Variants in CPNE7 observed in about 807,000 individuals in gnomAD.
CPNE7 encodes the protein copine-7.
A neutral mutation model predicts 66.5 loss-of-function variants in CPNE7; 78 were observed. The ratio of observed to expected loss-of-function variants is 1.17; its 90% CI spans 0.98 to 1.42. The LOEUF is 1.42. Ranked by LOEUF, CPNE7 falls within the 40% of genes most tolerant of loss-of-function variation. The pLI, the probability that CPNE7 is intolerant of heterozygous loss-of-function variation, is 0.00. For missense variants in CPNE7, 1,012 were observed against 776.6 expected (o/e 1.30, Z -3.60); for synonymous variants, 468 against 336.7 (o/e 1.39, Z -4.27).
chr16:89,583,923 C>T (rs1407078584), intron 3 of CPNE7, 105 bp from the exon 4 acceptor site: 2 of 1,487,998 alleles, frequency 1.3e-6, no homozygotes, highest in African/African-American at 2.8e-5. Context: ...GACACCTCCT[C>T]TCAGGCCCCG....
chr16:89,581,040 CCCG>C (rs1260892904), intron 2 of CPNE7, among the ~76,000 whole-genome samples: 1 of 150,102 alleles, frequency 6.7e-6, no homozygotes, highest in Non-Finnish European at 1.5e-5. Context: ...CACGGAACAT[CCCG>C]TAACCCATCA....
chr16:89,582,601 T>C (rs1025233294), intron 2 of CPNE7, among the ~76,000 whole-genome samples: 2 of 152,180 alleles, frequency 1.3e-5, no homozygotes, highest in Non-Finnish European at 2.9e-5. Context: ...AGGACCCCTT[T>C]GCACCCCTAA....
rs755565927 is a variant in CPNE7 at position 89,576,035 on chromosome 16, G to A, written c.138G>A (p.Val46=). The A allele has an allele frequency of 6.0e-6, 8 of 1,331,766 alleles. No individual in the cohort carries two copies. The highest frequency in any genetic ancestry group is 7.7e-6 in the Non-Finnish European group (8 of 1,040,940). 82.5% of individuals were successfully genotyped at this position (1,331,766 alleles called of 1,614,324 possible). A position where few individuals can be genotyped will look rare whatever the true frequency, so the allele number is the denominator to read the frequency against. Residue 46 remains valine (V), a synonymous_variant, in exon 1 of 15, where the codon GTG becomes GTA. Transcript: ENST00000319518. ...RDPLTKSDPS[V]ALLQQAQGQW... The stretch of plus-strand genomic sequence containing the variant: ...CGCTCACCAAGTCCGACCCCAGCGT[G>A]GCGTTGCTGCAGCAGGCGCAGGGCC...
intron 13 of CPNE7, 67 bp from the exon 14 acceptor site, chr16:89,595,300 G>A (rs1265907015): frequency 3.2e-5 from 44 of 1,361,062 alleles, no homozygotes; most frequent in African/African-American, 4.4e-5. Context: ...CTGGGGGCCC[G>A]TGGGTTGCAG....
chr16:89,578,913 C>T lies in CPNE7; in HGVS notation c.357+1192C>T, dbSNP rs78176582. On this transcript the variant is annotated intron_variant, in intron 2 of 14. Transcript: ENST00000319518. ...TGAGAGTGTCTGTTGATGTGCTGGG[C>T]CCTGCTGGACACTGCGCTAAGCACT... is the stretch of plus-strand genomic sequence containing the variant. 10,046 of 1,613,582 alleles carry T rather than the reference C, an allele frequency of 6.2e-3. 537 individuals are homozygous for T. In the African/African-American group the frequency reaches 0.12, roughly 19 times the overall value.
intron 5 of CPNE7, among the ~76,000 whole-genome samples, chr16:89,585,087 T>C (rs908625098): frequency 6.6e-6 from 1 of 152,216 alleles, no homozygotes; most frequent in Non-Finnish European, 1.5e-5. Flanking sequence ...CTGTGATTAT[T>C]TTTAGACCTA....
chr16:89,585,136 G>A (rs112368769), intron 5 of CPNE7, among the ~76,000 whole-genome samples: 5 of 152,358 alleles, frequency 3.3e-5, no homozygotes, highest in South Asian at 4.1e-4. Flanking sequence ...TTTCAGCGAC[G>A]GCAGGGAGAG....
intron 13 of CPNE7, among the ~76,000 whole-genome samples, chr16:89,592,502 G>A (rs1370552448): frequency 6.7e-6 from 1 of 149,330 alleles, no homozygotes. Flanking sequence ...AGCTGTAGTG[G>A]TGCAATCTCG....
rs754974067 is a variant in CPNE7, at chr16:89,595,558, G to T, written c.1494G>T (p.Ala498=). 2 of 1,611,914 alleles carry T rather than the reference G, an allele frequency of 1.2e-6. No homozygotes were observed. The highest frequency in any genetic ancestry group is 3.3e-5 in the Admixed American group (2 of 59,988). Residue 498 remains alanine (A), a synonymous_variant, in exon 14 of 15, where the codon GCG becomes GCT. Transcript: ENST00000319518. ...TGCGCTCCCCACGGGGTGAGCCCGC[G>T]CTCCGGGACATCGTACAGTTCGTGC... The part of the protein sequence containing the change: ...GVLRSPRGEP[A]LRDIVQFVPF...
chr16:89,577,598 G>A lies in CPNE7; in HGVS notation c.234G>A (p.Thr78=), dbSNP rs774825737. ...SLHPVFSKVF[T]VDYYFEEVQR... ...ATCCCGTGTTCTCCAAGGTCTTCAC[G>A]GTGGACTACTACTTCGAGGAGGTGC... Residue 78 remains threonine, a synonymous_variant, in exon 2 of 15, where the codon ACG becomes ACA. Coordinates refer to ENST00000319518, the MANE Select transcript of CPNE7 (RefSeq NM_153636.3). 25 of 1,557,306 alleles carry A rather than the reference G, an allele frequency of 1.6e-5. No homozygotes were observed. Among genetic ancestry groups the A allele is most frequent in the Admixed American group, 1.4e-4 (7 of 51,498 alleles).
Position 89,583,775 on chromosome 16 carries a change from A to G in CPNE7, c.432+4A>G, listed in dbSNP as rs1321215910. 6.2e-7 allele frequency: 1 copy of G among 1,612,506 alleles called. No homozygotes were observed. Among genetic ancestry groups the G allele is most frequent in the South Asian group, 1.1e-5 (1 of 91,080 alleles). Reference sequence around the variant, plus strand: ...CGCTGGCAAGTCCACCATCACGGTGAGACCCGGGCGCACCCCTGCAGCCTG... The same window carrying G: ...CGCTGGCAAGTCCACCATCACGGTGGGACCCGGGCGCACCCCTGCAGCCTG... On this transcript the variant is annotated splice_donor_region_variant and intron_variant, in intron 3 of 14. Coordinates refer to ENST00000319518, the MANE Select transcript of CPNE7 (RefSeq NM_153636.3).
intron 3 of CPNE7, 65 bp from the exon 4 acceptor site, chr16:89,583,963 T>G (rs408800): frequency 0.86 from 1,352,854 of 1,576,840 alleles, 581,931 homozygotes; most frequent in Middle Eastern, 0.92. Context: ...CTGGGGCCTC[T>G]GGTCCCCCAC....
chr16:89,586,569 G>T, intron 7 of CPNE7, 101 bp from the exon 8 acceptor site: 1 of 905,828 alleles, frequency 1.1e-6, no homozygotes, highest in Non-Finnish European at 1.8e-6. Context: ...CCCCACCACG[G>T]GGCCCTCTGC....
Position 89,583,706 on chromosome 16 carries a change from C to A in CPNE7, c.367C>A (p.Gln123Lys). The A allele has an allele frequency of 6.2e-7, 1 of 1,612,752 alleles. No individual in the cohort carries two copies. The highest frequency in any genetic ancestry group is 8.5e-7 in the Non-Finnish European group (1 of 1,179,916). Residue 123 changes from glutamine (Q) to lysine (K), a missense_variant, in exon 3 of 15, where the codon CAG (glutamine) becomes AAG (lysine). By Grantham distance (53) the Gln-to-Lys change is moderately conservative. Transcript: ENST00000319518. ...MECTLGQIVA[Q>K]KKVTRPLLLK... ...CGCCTCTGACTTACAGATTGTGGCC[C>A]AGAAGAAGGTGACCCGCCCGCTGCT...
intron 10 of CPNE7, among the ~76,000 whole-genome samples, chr16:89,589,636 C>T (rs997636490): frequency 5.9e-5 from 9 of 152,114 alleles, no homozygotes; most frequent in Admixed American, 3.3e-4. Context: ...CCCGGGGAGG[C>T]GTCTGCAGGG....
chr16:89,587,895 C>G (rs1471364960), intron 9 of CPNE7, among the ~76,000 whole-genome samples: 12 of 63,218 alleles, frequency 1.9e-4, no homozygotes, highest in Non-Finnish European at 3.7e-4. Context: ...CCGCGTGTCA[C>G]CCACAGATAC....
Position 89,591,110 on chromosome 16 carries a change from C to A in CPNE7, c.1169-17C>A, listed in dbSNP as rs767164763. 6.2e-7 allele frequency: 1 copy of A among 1,612,836 alleles called. No homozygotes were observed. The highest frequency in any genetic ancestry group is 8.5e-7 in the Non-Finnish European group (1 of 1,179,696). On this transcript the variant is annotated splice_polypyrimidine_tract_variant and intron_variant, in intron 12 of 14. Coordinates refer to ENST00000319518, the MANE Select transcript of CPNE7 (RefSeq NM_153636.3). ...GGGGAGTGCAGGGGGGCCGGGCTCA[C>A]CCCCTGCCCCCCACAGGCATCCAGG...
intron 9 of CPNE7, 45 bp from the exon 10 acceptor site, chr16:89,588,630 G>C (rs1456680402): frequency 6.2e-7 from 1 of 1,609,762 alleles, no homozygotes; most frequent in Admixed American, 1.7e-5. Flanking sequence ...AGCGGGTTCG[G>C]GGAGCCCCGG....
chr16:89,586,640 C>A (rs762857314), intron 7 of CPNE7, 30 bp from the exon 8 acceptor site: 2 of 1,581,462 alleles, frequency 1.3e-6, no homozygotes, highest in Non-Finnish European at 1.7e-6. Flanking sequence ...AGCCACCACT[C>A]TGGGGGGCCT....
Sources: allele counts gnomAD v4.1 joint callset (sites outside exome capture counted in the v4.1 genomes callset), GRCh38; gene constraint gnomAD v4.1.1; transcripts MANE v1.5; gene names NCBI Gene and HGNC (gene_info 2026-07-23, HGNC 2026-07-21).